Variants in PDE8A observed in about 807,000 individuals in gnomAD.
PDE8A encodes the protein phosphodiesterase 8A, also known as high affinity cAMP-specific and IBMX-insensitive 3',5'-cyclic phosphodiesterase 8A.
Under a neutral mutation model 105.0 loss-of-function variants are expected in PDE8A, and 59 were observed. The observed-to-expected ratio is 0.56, with a 90% CI of 0.46 to 0.70. The LOEUF is 0.70. PDE8A is among the 30% of genes least tolerant of loss of function. PDE8A has a pLI of 0.00. For synonymous variants in PDE8A, 355 were observed against 371.9 expected, an observed-to-expected ratio of 0.95 and a Z score of 0.52; for missense variants, 1,014 against 1,045.9, an observed-to-expected ratio of 0.97 and a Z score of 0.42.
intron 6 of PDE8A, 69 bp from the exon 7 acceptor site, chr15:85,089,269 A>G (rs2081602341): frequency 1.2e-6 from 1 of 821,210 alleles, no homozygotes; most frequent in Admixed American, 2.5e-5. Context: ...CATTTAAATA[A>G]TGTAATAACC....
chr15:85,080,262 A>G (rs548872333), intron 5 of PDE8A, among the ~76,000 whole-genome samples: 1 of 152,272 alleles, frequency 6.6e-6, no homozygotes, highest in East Asian at 1.9e-4. Context: ...ATACATACAC[A>G]TCAGCACCTA....
In PDE8A at chr15:85,100,183, T is replaced by G; in HGVS notation, c.1021T>G (p.Ser341Ala). Residue 341 changes from serine (S) to alanine (A), a missense_variant, in exon 11 of 22, where the codon TCT (serine) becomes GCT (alanine). Physicochemically the swap from Ser to Ala is moderately conservative, Grantham distance 99 (BLOSUM62 1). Transcript: ENST00000394553. The stretch of plus-strand genomic sequence containing the variant: ...TGAGAAAATATCCGAATGTGTTCAG[T>G]CTGACACTCATACAGGTACGGTGCC... ...KAEKISECVQ[S>A]DTHTDNQTGK... 6.2e-7 allele frequency: 1 copy of G among 1,613,682 alleles called. No individual in the cohort carries two copies. Among genetic ancestry groups the G allele is most frequent in the Admixed American group, 1.7e-5 (1 of 60,016 alleles).
chr15:85,065,297 A>G (rs1231459731), intron 2 of PDE8A, among the ~76,000 whole-genome samples: 1 of 136,678 alleles, frequency 7.3e-6, no homozygotes, highest in Non-Finnish European at 1.5e-5. Flanking sequence ...TCACATGGAC[A>G]CAGGAAGGGG....
chr15:85,079,777 G>C (rs1359887138), intron 5 of PDE8A, among the ~76,000 whole-genome samples: 2 of 152,158 alleles, frequency 1.3e-5, no homozygotes, highest in African/African-American at 4.8e-5. Context: ...CCCGGGCATG[G>C]TGGCGCACAC....
rs1047953781 is a variant in PDE8A, at chr15:84,986,524, G to C, written c.186+4176G>C. Among the ~76,000 whole-genome samples the C allele has an allele frequency of 4.6e-5, 7 of 151,966 alleles. 1 individual carries two copies. The South Asian group carries it at 1.5e-3, about 32-fold the overall frequency. ...ACTCTTGCCATCTTAGTCAACTAAA[G>C]TTTAGTGGTTTCCAAATGTTACTTA... On this transcript the variant is annotated intron_variant, in intron 1 of 21. Transcript: ENST00000394553.
chr15:85,051,789 C>T (rs1174319377), intron 1 of PDE8A, among the ~76,000 whole-genome samples: 2 of 151,960 alleles, frequency 1.3e-5, no homozygotes, highest in African/African-American at 2.4e-5. Flanking sequence ...AGGACGTGAT[C>T]GTTTTCCTTT....
In PDE8A at chr15:85,030,069, A is replaced by G. The variant is rs113280568; in HGVS notation, c.187-34301A>G. Among the ~76,000 whole-genome samples the G allele has an allele frequency of 2.9e-3, 444 of 152,294 alleles. 1 individual carries two copies. The highest frequency in any genetic ancestry group is 6.0e-3 in the Admixed American group (92 of 15,296). ...AAAAATGATGTTGAGAATGTGACCA[A>G]CAGGTGCTGTTAGAGGCATAATTCT... On this transcript the variant is annotated intron_variant, in intron 1 of 21. Transcript: ENST00000394553.
At chr15:85,110,382 T>C (rs1045510494) in intron 12 of PDE8A, among the ~76,000 whole-genome samples, 62 of 152,244 alleles carry the variant, frequency 4.1e-4, no homozygotes, top group African/African-American at 1.5e-3. Context: ...AAGTTTCATT[T>C]CAGTGAGTTT....
chr15:84,998,755 T>C (rs1035049012), intron 1 of PDE8A, among the ~76,000 whole-genome samples: 1 of 152,108 alleles, frequency 6.6e-6, no homozygotes, highest in Non-Finnish European at 1.5e-5. Flanking sequence ...AATTAAGAAA[T>C]AGGGTCTTAA....
intron 17 of PDE8A, among the ~76,000 whole-genome samples, chr15:85,119,127 C>G (rs1199490036): frequency 1.3e-5 from 2 of 152,092 alleles, no homozygotes; most frequent in Non-Finnish European, 2.9e-5. Context: ...TGCTTTTAAA[C>G]TACTCTATAG....
intron 1 of PDE8A, among the ~76,000 whole-genome samples, chr15:85,051,725 GTGCCTGTTAGTTTGCTGAGGATAA>G (rs1478359349): frequency 4.5e-4 from 68 of 152,184 alleles, no homozygotes; most frequent in African/African-American, 1.6e-3. Flanking sequence ...TTGGTTTTCT[GTGCCTGTTAGTTTGCTGAGGATAA>G]TGCTTCCAGC....
intron 7 of PDE8A, 107 bp downstream of exon 7, chr15:85,089,523 G>A: frequency 3.5e-6 from 2 of 572,304 alleles, no homozygotes; most frequent in East Asian, 2.9e-5. Flanking sequence ...TTGAAGTTTA[G>A]GAGACCAGTT....
At chr15:85,133,858 G>T (rs929716255) in intron 20 of PDE8A, among the ~76,000 whole-genome samples, 19 of 152,346 alleles carry the variant, frequency 1.2e-4, no homozygotes, top group South Asian at 6.2e-4. Flanking sequence ...TCTCTGGTTT[G>T]TCTCTGGCTG....
chr15:85,008,217 T>G (rs921537002), intron 1 of PDE8A, among the ~76,000 whole-genome samples: 1 of 151,938 alleles, frequency 6.6e-6, no homozygotes, highest in Non-Finnish European at 1.5e-5. Context: ...TCCAGGACTT[T>G]CCCTACAGTG....
At chr15:85,035,939 T>A (rs987039913) in intron 1 of PDE8A, among the ~76,000 whole-genome samples, 7 of 152,334 alleles carry the variant, frequency 4.6e-5, no homozygotes, top group Middle Eastern at 3.4e-3. Flanking sequence ...ACATGGAGAT[T>A]CTAGTTTAAA....
intron 1 of PDE8A, among the ~76,000 whole-genome samples, chr15:85,013,451 G>T (rs917473615): frequency 3.3e-5 from 5 of 152,156 alleles, no homozygotes; most frequent in African/African-American, 1.2e-4. Context: ...AGGCAGTGAG[G>T]TAGAAAAGCA....
intron 1 of PDE8A, among the ~76,000 whole-genome samples, chr15:85,050,710 A>G (rs953356048): frequency 6.6e-6 from 1 of 152,052 alleles, no homozygotes. Flanking sequence ...TATTTTGATC[A>G]CTGTAGCTTT....
At chr15:85,040,901 A>G (rs2080796278) in intron 1 of PDE8A, among the ~76,000 whole-genome samples, 1 of 152,124 alleles carries the variant, frequency 6.6e-6, no homozygotes, top group African/African-American at 2.4e-5. Flanking sequence ...ATTGTATTGT[A>G]GATCTCATTG....
intron 9 of PDE8A, among the ~76,000 whole-genome samples, chr15:85,099,155 C>A (rs967387563): frequency 6.6e-6 from 1 of 152,186 alleles, no homozygotes; most frequent in Admixed American, 6.5e-5. Flanking sequence ...GGCCAGTTCT[C>A]AATGTGTGGT....
Sources: gnomAD v4.1 joint callset for allele counts (sites outside exome capture counted in the v4.1 genomes callset) on GRCh38, gnomAD v4.1.1 for gene constraint, MANE v1.5 for transcripts, NCBI Gene and HGNC (gene_info 2026-07-23, HGNC 2026-07-21) for gene names.